The following AARSD1 variants were observed in gnomAD, a reference collection of about 807,000 sequenced individuals.
AARSD1 encodes the protein alanyl-tRNA synthetase domain containing 1, also known as alanyl-tRNA editing protein Aarsd1.
In AARSD1, 44 loss-of-function variants were observed where a neutral mutation model predicts 48.7. The ratio of observed to expected loss-of-function variants is 0.90; its 90% confidence interval spans 0.71 to 1.16. AARSD1 has a LOEUF of 1.16. AARSD1 is among the 50% of genes most tolerant of loss of function. The pLI is 0.00. For synonymous variants in AARSD1, 189 were observed against 194.9 expected, an observed-to-expected ratio of 0.97 and a Z score of 0.25; for missense variants, 511 against 523.1, an observed-to-expected ratio of 0.98 and a Z score of 0.23.
At chr17:42,951,286 G>A (rs1333308339) in intron 11 of AARSD1, among the ~76,000 whole-genome samples, 2 of 151,060 alleles carry the variant, frequency 1.3e-5, no homozygotes, top group Non-Finnish European at 3.0e-5. Flanking sequence ...AGAGCAGGGT[G>A]AGCACCTGTA....
intron 2 of AARSD1, among the ~76,000 whole-genome samples, chr17:42,962,719 A>G (rs1567718550): frequency 6.6e-6 from 1 of 152,116 alleles, no homozygotes; most frequent in Non-Finnish European, 1.5e-5. Context: ...ATGTTCTCTC[A>G]TGTCACTTAT....
At chr17:42,951,724 C>T in intron 11 of AARSD1, 76 bp downstream of exon 11, 1 of 1,505,064 alleles carries the variant, frequency 6.6e-7, no homozygotes, top group East Asian at 2.3e-5. Flanking sequence ...ATGTGATGGT[C>T]CTTTGACTCA....
intron 10 of AARSD1, 160 bp from the exon 11 acceptor site, chr17:42,952,054 C>A (rs568448519): frequency 7.7e-6 from 6 of 780,454 alleles, no homozygotes; most frequent in Non-Finnish European, 1.2e-5. Context: ...CACTGGCCCA[C>A]GAGGGCCAAG....
At chr17:42,953,435 C>A (rs965084304) in intron 10 of AARSD1, among the ~76,000 whole-genome samples, 8 of 152,098 alleles carry the variant, frequency 5.3e-5, no homozygotes, top group Non-Finnish European at 8.8e-5. Flanking sequence ...AATATTGGAT[C>A]CCCAGCACAC....
intron 11 of AARSD1, among the ~76,000 whole-genome samples, chr17:42,951,314 G>A (rs755160072): frequency 5.6e-4 from 85 of 152,154 alleles, no homozygotes; most frequent in Non-Finnish European, 1.1e-3. Flanking sequence ...CACTTTGGGA[G>A]GGCAAGGCAG....
In AARSD1 at chr17:42,957,122, T is replaced by C. The variant is rs2049568321; in HGVS notation, c.389+16A>G. ...GGATGGGCCTGCCTACAGTTAGTCT[T>C]ATGCCTCCCACTCACCATGATGTTG... On this transcript the variant is annotated intron_variant, in intron 4 of 11. Coordinates refer to ENST00000427569, the MANE Select transcript of AARSD1 (RefSeq NM_001261434.2). 5.0e-6 allele frequency: 8 copies of C among 1,613,360 alleles called. No homozygotes were observed. The highest frequency in any genetic ancestry group is 6.8e-6 in the Non-Finnish European group (8 of 1,179,670).
chr17:42,964,385 T>TCGCCGTGA lies in AARSD1; in HGVS notation c.39+9_39+16dup. On this transcript the variant is annotated intron_variant, in intron 1 of 11. Transcript: ENST00000427569. ...TGCCGGCCCGGCAGTCTCAAGTGCC[T>TCGCCGTGA]CGCCGTGACGCCGTACCTCTCGGGC... 1 of 1,554,646 alleles carries TCGCCGTGA rather than the reference T, an allele frequency of 6.4e-7. No individual in the cohort carries two copies. The highest frequency in any genetic ancestry group is 8.7e-7 in the Non-Finnish European group (1 of 1,149,046).
At chr17:42,950,810 G>A (rs2151938972) in intron 11 of AARSD1, 82 bp from the exon 12 acceptor site, 1 of 1,528,478 alleles carries the variant, frequency 6.5e-7, no homozygotes, top group South Asian at 1.3e-5. Flanking sequence ...TCTTTTTCCA[G>A]GGACTGGGAG....
At chr17:42,951,064 A>G (rs1271684216) in intron 11 of AARSD1, among the ~76,000 whole-genome samples, 4 of 152,198 alleles carry the variant, frequency 2.6e-5, no homozygotes, top group African/African-American at 7.2e-5. Context: ...AAGCTGAGAC[A>G]GGAGAATTGC....
In AARSD1 at chr17:42,961,341, C is replaced by T. The variant is rs773641992; in HGVS notation, c.182G>A (p.Arg61His). 19 of 1,614,034 alleles carry T rather than the reference C, an allele frequency of 1.2e-5. 1 individual carries two copies. In the East Asian group the frequency reaches 1.3e-4, roughly 11 times the overall value. The change falls in exon 3 of 12, where the codon CGT becomes CAT. Residue 61 changes from arginine (R) to histidine (H), a missense_variant. Physicochemically the swap from Arg to His is conservative, Grantham distance 29 (BLOSUM62 0). Transcript: ENST00000427569. The part of the protein sequence containing the change: ...FPEGGGQPDD[R>H]GTINDISVLR... ...CACAGAGATGTCATTGATTGTACCA[C>T]GGTCATCAGGCTGGTGGAAATAAGT...
rs545247474 is a variant in AARSD1 at position 42,954,800 on chromosome 17, A to G, written c.953+76T>C. ...GTGAGCAATCCACCTCCCACTGTACATTGCATATAGAGAAGACACTGAGCC... is the reference window on the plus strand; with the variant it reads ...GTGAGCAATCCACCTCCCACTGTACGTTGCATATAGAGAAGACACTGAGCC... On this transcript the variant is annotated intron_variant, in intron 9 of 11. Transcript: ENST00000427569. 1.6e-4 allele frequency: 236 copies of G among 1,490,526 alleles called. No individual in the cohort carries two copies. The African/African-American group carries it at 2.5e-3, about 16-fold the overall frequency. 92.3% of individuals were successfully genotyped at this position (1,490,526 alleles called of 1,614,324 possible).
At chr17:42,962,169 G>A (rs755760664) in intron 2 of AARSD1, 2 of 253,640 alleles carry the variant, frequency 7.9e-6, no homozygotes, top group South Asian at 3.0e-5. Flanking sequence ...GCATGGTGGT[G>A]CACACCTGTA....
chr17:42,957,057 C>G, intron 4 of AARSD1, 81 bp downstream of exon 4: 4 of 1,573,502 alleles, frequency 2.5e-6, no homozygotes, highest in Non-Finnish European at 3.5e-6. Context: ...ATCTCCCCGG[C>G]TCAAGCAATT....
intron 3 of AARSD1, among the ~76,000 whole-genome samples, chr17:42,958,417 C>G (rs1228251770): frequency 1.3e-5 from 2 of 151,624 alleles, no homozygotes; most frequent in Non-Finnish European, 2.9e-5. Context: ...GCTTGAATCC[C>G]AGGGGTGGAA....
At position 42,953,832 on chromosome 17, in the gene AARSD1, T is replaced by C. The variant is rs1164034541; in HGVS notation, c.954-54A>G. 2.5e-6 allele frequency: 4 copies of C among 1,612,080 alleles called. No homozygotes were observed. In the African/African-American group the frequency reaches 5.3e-5, roughly 22 times the overall value. ...CAGGTTGGAGTGGTGGCTGTGAAAC[T>C]GCAGGAAGCCTGGCCCCTCCTTCTG... is the stretch of plus-strand genomic sequence containing the variant. On this transcript the variant is annotated intron_variant, in intron 9 of 11. Coordinates refer to ENST00000427569, the MANE Select transcript of AARSD1 (RefSeq NM_001261434.2).
chr17:42,956,392 C>T lies in AARSD1; in HGVS notation c.546+12G>A. 6.2e-7 allele frequency: 1 copy of T among 1,614,048 alleles called. No individual in the cohort carries two copies. The highest frequency in any genetic ancestry group is 8.5e-7 in the Non-Finnish European group (1 of 1,179,990). Reference sequence around the variant, plus strand: ...CATTCCGCAGAAACCATCCCTCTGGCTCTACCCTTACCTGCTCCACCTCAG... The same window carrying T: ...CATTCCGCAGAAACCATCCCTCTGGTTCTACCCTTACCTGCTCCACCTCAG... On this transcript the variant is annotated intron_variant, in intron 5 of 11. Coordinates refer to ENST00000427569, the MANE Select transcript of AARSD1 (RefSeq NM_001261434.2).
chr17:42,953,714 C>G lies in AARSD1; in HGVS notation c.1008+10G>C. ...CCAGGCCGGGGTAGAGAATCTCATGCTCCTCTTACCTCTGACCCAATCTCA... is the reference window on the plus strand; with the variant it reads ...CCAGGCCGGGGTAGAGAATCTCATGGTCCTCTTACCTCTGACCCAATCTCA... On this transcript the variant is annotated intron_variant, in intron 10 of 11. Coordinates refer to ENST00000427569, the MANE Select transcript of AARSD1 (RefSeq NM_001261434.2). 6.2e-7 allele frequency: 1 copy of G among 1,614,160 alleles called. No individual in the cohort carries two copies. Among genetic ancestry groups the G allele is most frequent in the Non-Finnish European group, 8.5e-7 (1 of 1,180,006 alleles).
Position 42,964,169 on chromosome 17 carries a change from T to C in AARSD1, c.108A>G (p.Glu36=). The C allele has an allele frequency of 6.2e-7, 1 of 1,614,238 alleles. No homozygotes were observed. The highest frequency in any genetic ancestry group is 8.5e-7 in the Non-Finnish European group (1 of 1,180,044). ...LQTEGSNGKK[E]VLSGFQVVLE... ...GCACCACTTGGAAACCGCTCAGCAC[T>C]TCTTTCTTGCCGTTGCTCCCTTCAG... is the stretch of plus-strand genomic sequence containing the variant. The change falls in exon 2 of 12, where the codon GAA becomes GAG. Residue 36 remains glutamate, a synonymous_variant. Transcript: ENST00000427569.
rs1325159418 is a variant in AARSD1, at chr17:42,961,202, C to T, written c.321G>A (p.Gln107=). 2 of 1,611,892 alleles carry T rather than the reference C, an allele frequency of 1.2e-6. No homozygotes were observed. The highest frequency in any genetic ancestry group is 1.7e-6 in the Non-Finnish European group (2 of 1,178,400). Residue 107 remains glutamine (Q), a synonymous_variant, in exon 3 of 12, where the codon CAG becomes CAA. Coordinates refer to ENST00000427569, the MANE Select transcript of AARSD1 (RefSeq NM_001261434.2). ...VDWERRFDHM[Q]QHSGQHLITA... ...CATCCCAGCCTTTACCTGAATGCTGCTGCATGTGGTCAAACCTCCGCTCCC... is the reference window on the plus strand; with the variant it reads ...CATCCCAGCCTTTACCTGAATGCTGTTGCATGTGGTCAAACCTCCGCTCCC...
Sources: gnomAD v4.1 joint callset for allele counts (sites outside exome capture counted in the v4.1 genomes callset) on GRCh38, gnomAD v4.1.1 for gene constraint, MANE v1.5 for transcripts, NCBI Gene and HGNC (gene_info 2026-07-23, HGNC 2026-07-21) for gene names.